The following TMED8 variants were observed in gnomAD, a reference collection of about 807,000 sequenced individuals.
The protein encoded by TMED8 is transmembrane p24 trafficking protein family member 8.
Under a neutral mutation model 32.7 loss-of-function variants are expected in TMED8, and 15 were observed. That is an observed-to-expected ratio of 0.46 (90% CI 0.31 to 0.71). The LOEUF is 0.71. Ranked by LOEUF, TMED8 falls within the 30% of genes least tolerant of loss-of-function variation. The probability of loss-of-function intolerance (pLI) is 0.06; values close to 1 mark genes in which losing one functional copy is unlikely to be tolerated. For synonymous variants in TMED8, 147 were observed against 161.4 expected (o/e 0.91, Z 0.68); for missense variants, 390 against 423.9 (o/e 0.92, Z 0.70).
In TMED8 at chr14:77,343,353, T is replaced by C. The variant is rs753950927; in HGVS notation, c.585A>G (p.Val195=). ...CACGCTTCCCCTCTGGATGAGTAGG[T>C]ACCCGGATGGTCACCACCTCACCAC... The part of the protein sequence containing the change: ...VKRGEVVTIR[V]PTHPEGKRVC... Residue 195 remains valine (V), a synonymous_variant, in exon 5 of 6, where the codon GTA becomes GTG. Coordinates refer to ENST00000216468, the MANE Select transcript of TMED8 (RefSeq NM_213601.3). The C allele has an allele frequency of 6.2e-7, 1 of 1,614,158 alleles. No individual in the cohort carries two copies. The highest frequency in any genetic ancestry group is 2.2e-5 in the East Asian group (1 of 44,872).
rs1201368810 is a variant in TMED8, at chr14:77,341,404, G to T, written c.*367C>A. 7.7e-6 allele frequency: 2 copies of T among 260,812 alleles called. No homozygotes were observed. Among genetic ancestry groups the T allele is most frequent in the Non-Finnish European group, 1.5e-5 (2 of 132,102 alleles). The allele number at this position is 260,812 out of a possible 1,614,324, so 16.2% of individuals were successfully genotyped here. Reference sequence around the variant, plus strand: ...TGCCACTAAATGCACTGGCAATAAGGGCTGTGGGAGAGGAGAGGGCAGCAA... The same window carrying T: ...TGCCACTAAATGCACTGGCAATAAGTGCTGTGGGAGAGGAGAGGGCAGCAA... On this transcript the variant is annotated 3_prime_UTR_variant, in exon 6 of 6. Coordinates refer to ENST00000216468, the MANE Select transcript of TMED8 (RefSeq NM_213601.3).
intron 1 of TMED8, among the ~76,000 whole-genome samples, chr14:77,358,456 G>A (rs889114932): frequency 1.3e-5 from 2 of 151,742 alleles, no homozygotes; most frequent in Non-Finnish European, 2.9e-5. Context: ...ATGCCACCAC[G>A]CCCAGCTAAT....
intron 2 of TMED8, among the ~76,000 whole-genome samples, chr14:77,350,704 T>C (rs1197138906): frequency 6.6e-6 from 1 of 152,172 alleles, no homozygotes; most frequent in Admixed American, 6.5e-5. Flanking sequence ...TCCTAGCTAC[T>C]CACAAGGCTG....
At chr14:77,362,907 A>G (rs918780651) in intron 1 of TMED8, among the ~76,000 whole-genome samples, 1 of 152,254 alleles carries the variant, frequency 6.6e-6, no homozygotes, top group Admixed American at 6.5e-5. Flanking sequence ...AAATGGGTCA[A>G]GCCATCAAGA....
intron 1 of TMED8, among the ~76,000 whole-genome samples, chr14:77,360,378 C>CTATTTTATCCTGTTTCTGTG (rs1351429756): frequency 1.3e-5 from 2 of 151,916 alleles, no homozygotes; most frequent in East Asian, 3.8e-4. Flanking sequence ...CTAGTAACCA[C>CTATTTTATCCTGTTTCTGTG]TATTTTATCC....
rs1893108596 is a variant in TMED8 at position 77,348,735 on chromosome 14, CTT to C, written c.198-2259_198-2258del. 7.8e-5 allele frequency among the ~76,000 whole-genome samples: 8 copies of C among 103,112 alleles called. No homozygotes were observed. The Admixed American group carries it at 9.7e-4, about 13-fold the overall frequency. 67.6% of individuals were successfully genotyped at this position (103,112 alleles called of 152,430 possible). On this transcript the variant is annotated intron_variant, in intron 2 of 5. Coordinates refer to ENST00000216468, the MANE Select transcript of TMED8 (RefSeq NM_213601.3). ...CATTTTAGAGTTTATTAGTTTGTTT[CTT>C]TTCTTTTTTAACATAAACAAGAAGA... is the stretch of plus-strand genomic sequence containing the variant.
chr14:77,357,584 G>A (rs1166893190), intron 1 of TMED8, among the ~76,000 whole-genome samples: 2 of 152,132 alleles, frequency 1.3e-5, no homozygotes, highest in Admixed American at 1.3e-4. Context: ...AACCTCCAAA[G>A]GTAACCAATG....
At chr14:77,367,935 C>A (rs1893592794) in intron 1 of TMED8, among the ~76,000 whole-genome samples, 1 of 152,198 alleles carries the variant, frequency 6.6e-6, no homozygotes, top group Non-Finnish European at 1.5e-5. Context: ...CTCAGGTGAT[C>A]CGCCTTCCTC....
intron 2 of TMED8, among the ~76,000 whole-genome samples, chr14:77,346,832 A>AGTT (rs1309456286): frequency 7.6e-6 from 1 of 132,264 alleles, no homozygotes; most frequent in East Asian, 2.4e-4. Context: ...CAAAGTGTAT[A>AGTT]TATTTATGGT....
intron 1 of TMED8, among the ~76,000 whole-genome samples, chr14:77,365,570 C>T (rs1893533953): frequency 6.6e-6 from 1 of 152,184 alleles, no homozygotes; most frequent in Non-Finnish European, 1.5e-5. Context: ...CAAAAAAATA[C>T]CACCGTGGCA....
intron 1 of TMED8, among the ~76,000 whole-genome samples, chr14:77,366,558 T>C (rs953696175): frequency 6.6e-6 from 1 of 152,226 alleles, no homozygotes; most frequent in East Asian, 1.9e-4. Flanking sequence ...TTAACTTATA[T>C]GGCTTGTAAA....
chr14:77,361,607 AT>A (rs1893437253), intron 1 of TMED8, among the ~76,000 whole-genome samples: 1 of 152,196 alleles, frequency 6.6e-6, no homozygotes, highest in Non-Finnish European at 1.5e-5. Context: ...GAAGAATGTC[AT>A]TAGAATTTGG....
At chr14:77,361,590 C>G (rs1164066005) in intron 1 of TMED8, among the ~76,000 whole-genome samples, 1 of 152,116 alleles carries the variant, frequency 6.6e-6, no homozygotes, top group Non-Finnish European at 1.5e-5. Context: ...GTTTTTTCTA[C>G]TTCTGTGAAG....
rs138326230 is a variant in TMED8, at chr14:77,367,781, C to T, written c.118+9155G>A. On this transcript the variant is annotated intron_variant, in intron 1 of 5. Transcript: ENST00000216468. ...CAATCTCGGCTCACTGCAACCTCCA[C>T]CTCCTCGCTTCAAGCGATTCTCCTG... Among the ~76,000 whole-genome samples, 857 of 152,128 alleles carry T rather than the reference C, an allele frequency of 5.6e-3. 8 individuals are homozygous for T. The highest frequency in any genetic ancestry group is 6.7e-3 in the Non-Finnish European group (456 of 68,002).
chr14:77,361,800 A>AT (rs1023813107), intron 1 of TMED8, among the ~76,000 whole-genome samples: 3 of 151,892 alleles, frequency 2.0e-5, no homozygotes, highest in African/African-American at 7.2e-5. Context: ...ATTCATAAGT[A>AT]TTTTTTTTCT....
intron 1 of TMED8, among the ~76,000 whole-genome samples, chr14:77,362,684 G>A (rs767953999): frequency 4.2e-4 from 64 of 152,158 alleles, no homozygotes; most frequent in Non-Finnish European, 7.5e-4. Flanking sequence ...GACACCGAGT[G>A]GGTGAATGGA....
chr14:77,353,686 C>T (rs1204884088), intron 1 of TMED8, among the ~76,000 whole-genome samples: 1 of 151,058 alleles, frequency 6.6e-6, no homozygotes, highest in South Asian at 2.1e-4. Context: ...GTCTTGAATT[C>T]CTGGGCTCAA....
At chr14:77,375,796 C>T (rs1893800084) in intron 1 of TMED8, among the ~76,000 whole-genome samples, 1 of 152,164 alleles carries the variant, frequency 6.6e-6, no homozygotes, top group South Asian at 2.1e-4. Flanking sequence ...CAAAAAGAGA[C>T]CTTACTGTCA....
chr14:77,376,081 C>T lies in TMED8; in HGVS notation c.118+855G>A, dbSNP rs1445562368. ...AATAAGACAAGTTCTCTCCCCTCTACCCTTTCGTATTTCAAAAGAGCATCC... is the reference window on the plus strand; with the variant it reads ...AATAAGACAAGTTCTCTCCCCTCTATCCTTTCGTATTTCAAAAGAGCATCC... On this transcript the variant is annotated intron_variant, in intron 1 of 5. Coordinates refer to ENST00000216468, the MANE Select transcript of TMED8 (RefSeq NM_213601.3). This position sits in a 1 kb window ranked among gnomAD's most constrained non-coding sequence, Gnocchi z 4.0. Among the ~76,000 whole-genome samples the T allele has an allele frequency of 6.6e-6, 1 of 152,194 alleles. No individual in the cohort carries two copies. The highest frequency in any genetic ancestry group is 1.9e-4 in the East Asian group (1 of 5,198).
Sources: gnomAD v4.1 joint callset for allele counts (sites outside exome capture counted in the v4.1 genomes callset) on GRCh38, gnomAD v4.1.1 for gene constraint, Gnocchi (gnomAD v3.1) non-coding constraint, MANE v1.5 for transcripts, NCBI Gene and HGNC (gene_info 2026-07-23, HGNC 2026-07-21) for gene names.